The following ZNF717 variants were observed in gnomAD, a reference collection of about 807,000 sequenced individuals.
ZNF717 encodes the protein krueppel-like factor X17.
ZNF717 carries 9 observed loss-of-function variants against 13.8 expected under a neutral mutation model. The observed-to-expected ratio is 0.65, with a 90% confidence interval of 0.39 to 1.14. The LOEUF (loss-of-function observed/expected upper bound fraction) is 1.14, where lower values mean the gene tolerates loss of function less well. Among genes scored for constraint, ZNF717 ranks in the 50% most tolerant of loss-of-function variants. ZNF717 has a pLI of 0.01. For synonymous variants in ZNF717, 327 were observed against 364.1 expected, an observed-to-expected ratio of 0.90 and a Z score of 1.16; for missense variants, 1,040 against 1,080.7, an observed-to-expected ratio of 0.96 and a Z score of 0.53.
intron 1 of ZNF717, among the ~76,000 whole-genome samples, chr3:75,784,594 C>T (rs992930856): frequency 6.6e-6 from 1 of 152,280 alleles, no homozygotes; most frequent in Non-Finnish European, 1.5e-5. Flanking sequence ...TCCTGTACCC[C>T]AGACCACACT....
downstream of ZNF717, among the ~76,000 whole-genome samples, chr3:75,707,897 G>A (rs1937838390): frequency 1.3e-5 from 2 of 152,254 alleles, no homozygotes; most frequent in African/African-American, 2.4e-5. Flanking sequence ...CAGCAAGGCT[G>A]GGGGAGGGGC....
chr3:75,723,579 A>C (rs1357484586), intron 4 of ZNF717, among the ~76,000 whole-genome samples: 1 of 152,256 alleles, frequency 6.6e-6, no homozygotes, highest in Non-Finnish European at 1.5e-5. Context: ...CTGTTCTACA[A>C]CTATAACCTA....
At chr3:75,767,092 C>A (rs1196745478) in intron 2 of ZNF717, among the ~76,000 whole-genome samples, 2 of 152,252 alleles carry the variant, frequency 1.3e-5, no homozygotes, top group African/African-American at 4.8e-5. Flanking sequence ...CTTCAGAAGC[C>A]AGGCTGAGAG....
At chr3:75,769,815 G>A (rs77426592) in intron 2 of ZNF717, among the ~76,000 whole-genome samples, 8 of 152,202 alleles carry the variant, frequency 5.3e-5, no homozygotes, top group African/African-American at 1.7e-4. Flanking sequence ...CATTTTAAGC[G>A]GCTATCTGAA....
chr3:75,696,892 CA>C (rs142213799), intron 6 of ZNF717, among the ~76,000 whole-genome samples: 33 of 61,024 alleles, frequency 5.4e-4, no homozygotes, highest in Non-Finnish European at 6.9e-4. Context: ...GACTTCATCT[CA>C]AAAAAAAAAA....
chr3:75,703,515 CAAGACTCTGTCTCAA>C (rs1937738365), intron 6 of ZNF717, among the ~76,000 whole-genome samples: 1 of 151,676 alleles, frequency 6.6e-6, no homozygotes, highest in Non-Finnish European at 1.5e-5. Flanking sequence ...GGCAACAGAG[CAAGACTCTGTCTCAA>C]AATAATAATA....
chr3:75,699,957 T>C (rs77391266), intron 6 of ZNF717, among the ~76,000 whole-genome samples: 65 of 152,240 alleles, frequency 4.3e-4, no homozygotes, highest in African/African-American at 1.3e-3. Flanking sequence ...TTCTCAACAA[T>C]TGAAACTGTG....
intron 2 of ZNF717, among the ~76,000 whole-genome samples, chr3:75,759,154 A>G (rs965979353): frequency 6.6e-6 from 1 of 152,200 alleles, no homozygotes; most frequent in Non-Finnish European, 1.5e-5. Context: ...AAGAAATTGT[A>G]TAACTCACTT....
downstream of ZNF717, among the ~76,000 whole-genome samples, chr3:75,733,563 G>C (rs1166963420): frequency 6.6e-6 from 1 of 151,862 alleles, no homozygotes; most frequent in Non-Finnish European, 1.5e-5. Context: ...TGGATCATGA[G>C]GTCAGGAGAT....
intron 6 of ZNF717, among the ~76,000 whole-genome samples, chr3:75,695,542 C>T (rs1937593782): frequency 6.6e-6 from 1 of 152,422 alleles, no homozygotes; most frequent in South Asian, 2.1e-4. Flanking sequence ...TTCTCCTCAG[C>T]ACATGGGTTA....
intron 2 of ZNF717, among the ~76,000 whole-genome samples, chr3:75,782,297 A>T (rs1944879595): frequency 6.6e-6 from 1 of 152,212 alleles, no homozygotes; most frequent in Non-Finnish European, 1.5e-5. Context: ...GCTGCTGCAC[A>T]CCCTGCATGT....
chr3:75,762,154 T>C (rs1943087778), intron 2 of ZNF717, among the ~76,000 whole-genome samples: 1 of 151,640 alleles, frequency 6.6e-6, no homozygotes, highest in East Asian at 2.0e-4. Context: ...AAGAATGACA[T>C]TTGGCCAGGT....
chr3:75,707,897 G>C (rs1937838390), downstream of ZNF717, among the ~76,000 whole-genome samples: 1 of 152,254 alleles, frequency 6.6e-6, no homozygotes, highest in Admixed American at 6.5e-5. Flanking sequence ...CAGCAAGGCT[G>C]GGGGAGGGGC....
intron 2 of ZNF717, among the ~76,000 whole-genome samples, chr3:75,748,463 C>T: frequency 6.6e-6 from 1 of 152,180 alleles, no homozygotes; most frequent in African/African-American, 2.4e-5. Context: ...AAAACCTAAT[C>T]CAGCAGCACA....
intron 1 of ZNF717, among the ~76,000 whole-genome samples, 166 bp downstream of exon 1, chr3:75,785,218 C>T (rs1459452120): frequency 2.6e-5 from 4 of 152,210 alleles, no homozygotes; most frequent in African/African-American, 9.6e-5. Context: ...GAGCGTCATG[C>T]GGGTTGGTAA....
In ZNF717 at chr3:75,736,536, C is replaced by G; in HGVS notation, c.*342G>C. 2 of 260,516 alleles carry G rather than the reference C, an allele frequency of 7.7e-6. No homozygotes were observed. The highest frequency in any genetic ancestry group is 1.3e-3 in the Middle Eastern group (1 of 768). 16.1% of individuals were successfully genotyped at this position (260,516 alleles called of 1,614,324 possible). A position where few individuals can be genotyped will look rare whatever the true frequency, so the allele number is the denominator to read the frequency against. ...GTCCACATAGAAGATCAAACCAGCC[C>G]CAACATTCCCTTGAGACAAAGCCTA... On this transcript the variant is annotated 3_prime_UTR_variant, in exon 5 of 5. Transcript: ENST00000652011.
chr3:75,737,598 C>T lies in ZNF717; in HGVS notation c.2025G>A (p.Met675Ile). The T allele has an allele frequency of 6.5e-7, 1 of 1,543,902 alleles. No individual in the cohort carries two copies. The highest frequency in any genetic ancestry group is 1.2e-5 in the South Asian group (1 of 83,640). The change falls in exon 5 of 5, where the codon ATG becomes ATA. Residue 675 changes from methionine (M) to isoleucine (I), a missense_variant. Met to Ile is a conservative substitution (Grantham distance 10). Coordinates refer to ENST00000652011, the MANE Select transcript of ZNF717 (RefSeq NM_001290208.3). ...AAAGTTTTTCCACATTCATTACATC[C>T]ATACGGTTTTTCCCCGTGTGAGTTC... ...HQRTHTGKNRMDVMNVEKLFV... is the reference protein window; with the variant it reads ...HQRTHTGKNRIDVMNVEKLFV...
At chr3:75,699,652 A>G (rs1244020320) in intron 6 of ZNF717, among the ~76,000 whole-genome samples, 5 of 152,406 alleles carry the variant, frequency 3.3e-5, no homozygotes, top group Admixed American at 2.0e-4. Flanking sequence ...AGCCAGTGCT[A>G]TGCTTTCTGT....
rs74593105 is a variant in ZNF717, at chr3:75,736,928, C to T, written c.2695G>A (p.Val899Ile). 1.5e-4 allele frequency: 230 copies of T among 1,561,852 alleles called. No homozygotes were observed. In the Middle Eastern group the frequency reaches 2.5e-3, roughly 17 times the overall value. The change falls in exon 5 of 5, where the codon GTA (valine) becomes ATA (isoleucine). Residue 899 changes from valine to isoleucine, a missense_variant. By Grantham distance (29) the Val-to-Ile change is conservative (BLOSUM62 3). Transcript: ENST00000652011. ...QQTHIGEKSD[V>I]AEAGYVFPQN... ...GGGAACACATAGCCTGCCTCAGCTA[C>T]GTCAGATTTCTCTCCTATATGGGTT... is the stretch of plus-strand genomic sequence containing the variant.
Sources: allele counts gnomAD v4.1 joint callset (sites outside exome capture counted in the v4.1 genomes callset), GRCh38; gene constraint gnomAD v4.1.1; transcripts MANE v1.5; gene names NCBI Gene and HGNC (gene_info 2026-07-23, HGNC 2026-07-21).